CEP112: variants seen among roughly 807,000 people sequenced by gnomAD.
CEP112 encodes centrosomal protein 112, also known as centrosomal protein of 112 kDa.
CEP112 carries 127 observed loss-of-function variants against 153.0 expected under a neutral mutation model. That is an observed-to-expected ratio of 0.83 (90% CI 0.72 to 0.96). The LOEUF is 0.96. CEP112 is among the 40% of genes least tolerant of loss of function. The pLI is 0.00. For synonymous variants in CEP112, 358 were observed against 374.4 expected (o/e 0.96, Z 0.51); for missense variants, 1,089 against 1,101.2 (o/e 0.99, Z 0.16).
intron 18 of CEP112, among the ~76,000 whole-genome samples, chr17:65,931,041 G>A (rs768142592): frequency 2.0e-5 from 3 of 152,122 alleles, no homozygotes; most frequent in Non-Finnish European, 4.4e-5. Context: ...AAATATGTAA[G>A]CTTTGTTTAG....
Position 66,063,071 on chromosome 17 carries a change from C to T in CEP112, c.966G>A (p.Leu322=), listed in dbSNP as rs1028918889. ...IRKLEKKVQT[L]IRDCQVIRET... ...CTCTGATAACTTGACAGTCACGTAT[C>T]AGTGTCTGAACTGTCAAAAATTTTG... is the stretch of plus-strand genomic sequence containing the variant. Residue 322 remains leucine, a synonymous_variant, in exon 11 of 27, where the codon CTG becomes CTA. Coordinates refer to ENST00000535342, the MANE Select transcript of CEP112 (RefSeq NM_001199165.4). 1 of 1,572,110 alleles carries T rather than the reference C, an allele frequency of 6.4e-7. No homozygotes were observed.
At chr17:65,742,565 C>G (rs2051198073) in intron 23 of CEP112, among the ~76,000 whole-genome samples, 1 of 152,196 alleles carries the variant, frequency 6.6e-6, no homozygotes, top group African/African-American at 2.4e-5. Flanking sequence ...CATTTGGAAA[C>G]AACCTAGTTT....
chr17:65,846,551 T>C (rs2057731026), intron 21 of CEP112, among the ~76,000 whole-genome samples: 3 of 152,088 alleles, frequency 2.0e-5, no homozygotes, highest in South Asian at 4.2e-4. Flanking sequence ...CAGTAGATTA[T>C]CATTCTTTTT....
At position 65,853,013 on chromosome 17, in the gene CEP112, A is replaced by T. The variant is rs531155857; in HGVS notation, c.2164-979T>A. ...ACTTCCATTATAATTTTTGTCTTTGACTTATGAACCATTTAGAAGTATGTT... is the reference window on the plus strand; with the variant it reads ...ACTTCCATTATAATTTTTGTCTTTGTCTTATGAACCATTTAGAAGTATGTT... On this transcript the variant is annotated intron_variant, in intron 20 of 26. Coordinates refer to ENST00000535342, the MANE Select transcript of CEP112 (RefSeq NM_001199165.4). Among the ~76,000 whole-genome samples, 54 of 152,212 alleles carry T rather than the reference A, an allele frequency of 3.5e-4. No individual in the cohort carries two copies. In the South Asian group the frequency reaches 0.011, roughly 30 times the overall value.
intron 20 of CEP112, among the ~76,000 whole-genome samples, chr17:65,855,744 T>C (rs534759417): frequency 6.6e-6 from 1 of 152,240 alleles, no homozygotes; most frequent in Admixed American, 6.5e-5. Context: ...GCAGTATAAT[T>C]GGAACAGATG....
chr17:66,094,486 C>A (rs1332404768), intron 8 of CEP112, among the ~76,000 whole-genome samples: 2 of 151,972 alleles, frequency 1.3e-5, no homozygotes, highest in Admixed American at 6.6e-5. Context: ...TTATCTCACA[C>A]CATATACAAA....
chr17:66,178,943 G>A (rs897865168), intron 2 of CEP112, among the ~76,000 whole-genome samples: 1 of 152,132 alleles, frequency 6.6e-6, no homozygotes, highest in Non-Finnish European at 1.5e-5. Context: ...ATTTATTGAA[G>A]AGACTGTCAT....
intron 23 of CEP112, among the ~76,000 whole-genome samples, chr17:65,712,582 T>G (rs747933966): frequency 6.6e-6 from 1 of 152,216 alleles, no homozygotes; most frequent in Non-Finnish European, 1.5e-5. Context: ...TACCGCCCTC[T>G]TCTATCTGAC....
At chr17:65,762,357 G>A (rs2052665077) in intron 21 of CEP112, among the ~76,000 whole-genome samples, 1 of 151,908 alleles carries the variant, frequency 6.6e-6, no homozygotes, top group South Asian at 2.1e-4. Flanking sequence ...ACAATATATA[G>A]TTGGGTCTTA....
At chr17:66,134,858 T>C (rs1223821092) in intron 4 of CEP112, among the ~76,000 whole-genome samples, 2 of 152,132 alleles carry the variant, frequency 1.3e-5, no homozygotes, top group Admixed American at 1.3e-4. Context: ...TTTTCCATGG[T>C]TCTCATCCTA....
rs1301167660 is a variant in CEP112, at chr17:66,124,958, G to C, written c.642+4788C>G. Among the ~76,000 whole-genome samples, 3 of 152,124 alleles carry C rather than the reference G, an allele frequency of 2.0e-5. No homozygotes were observed. The East Asian group carries it at 5.8e-4, about 29-fold the overall frequency. ...ATGTCAACTTCTCAAATAAAACTCTGAATATAGTTACACTCCCCAAAAGCA... is the reference window on the plus strand; with the variant it reads ...ATGTCAACTTCTCAAATAAAACTCTCAATATAGTTACACTCCCCAAAAGCA... On this transcript the variant is annotated intron_variant, in intron 6 of 26. Coordinates refer to ENST00000535342, the MANE Select transcript of CEP112 (RefSeq NM_001199165.4).
At chr17:65,860,299 G>A (rs2058272445) in intron 20 of CEP112, among the ~76,000 whole-genome samples, 1 of 152,076 alleles carries the variant, frequency 6.6e-6, no homozygotes, top group African/African-American at 2.4e-5. Context: ...ATAAAAGGAA[G>A]ATCTAAATAA....
intron 20 of CEP112, among the ~76,000 whole-genome samples, chr17:65,854,071 C>T (rs1022901103): frequency 2.0e-5 from 3 of 152,180 alleles, no homozygotes; most frequent in African/African-American, 7.2e-5. Context: ...GCCACTAACA[C>T]ATTAGCCAGC....
chr17:65,645,811 T>C (rs1598177870), intron 24 of CEP112, among the ~76,000 whole-genome samples: 1 of 152,236 alleles, frequency 6.6e-6, no homozygotes, highest in Admixed American at 6.5e-5. Flanking sequence ...GATCATATGC[T>C]AGTTCCTTTT....
At chr17:66,141,902 G>A (rs1326857467) in intron 4 of CEP112, among the ~76,000 whole-genome samples, 1 of 152,062 alleles carries the variant, frequency 6.6e-6, no homozygotes, top group Non-Finnish European at 1.5e-5. Context: ...CCCAGAAGAG[G>A]GATTTGCTGG....
At chr17:65,764,168 C>A (rs1216320242) in intron 21 of CEP112, among the ~76,000 whole-genome samples, 1 of 152,080 alleles carries the variant, frequency 6.6e-6, no homozygotes, top group African/African-American at 2.4e-5. Flanking sequence ...TCCCTTCCCC[C>A]AGATTGGTTA....
chr17:65,910,691 T>C (rs887842078), intron 19 of CEP112, among the ~76,000 whole-genome samples: 3 of 151,968 alleles, frequency 2.0e-5, no homozygotes, highest in African/African-American at 4.8e-5. Context: ...GAGGTAATCA[T>C]AATAAAGGTC....
chr17:65,927,727 A>G (rs770375800), intron 18 of CEP112, 38 bp from the exon 19 acceptor site: 5 of 1,309,344 alleles, frequency 3.8e-6, no homozygotes, highest in Non-Finnish European at 5.2e-6. Context: ...TTTTTTAAAC[A>G]AACAATTGTG....
At chr17:66,096,404 T>A in intron 7 of CEP112, 76 bp from the exon 8 acceptor site, 2 of 1,404,406 alleles carry the variant, frequency 1.4e-6, no homozygotes, top group South Asian at 2.4e-5. Flanking sequence ...ACTTCTAAAT[T>A]GCCTGAGGCC....
Sources: allele counts gnomAD v4.1 joint callset (sites outside exome capture counted in the v4.1 genomes callset), GRCh38; gene constraint gnomAD v4.1.1; transcripts MANE v1.5; gene names NCBI Gene and HGNC (gene_info 2026-07-23, HGNC 2026-07-21).